Variants in HOMER2 observed in about 807,000 individuals in gnomAD.
The protein encoded by HOMER2 is homer scaffold protein 2.
In HOMER2, 27 loss-of-function variants were observed where a neutral mutation model predicts 47.0. The ratio of observed to expected loss-of-function variants is 0.57; its 90% CI spans 0.42 to 0.79. The LOEUF (loss-of-function observed/expected upper bound fraction) is 0.79, where lower values mean the gene tolerates loss of function less well. Ranked by LOEUF, HOMER2 falls within the 30% of genes least tolerant of loss-of-function variation. The pLI, the probability that HOMER2 is intolerant of heterozygous loss-of-function variation, is 0.00. For synonymous variants in HOMER2, 161 were observed against 163.8 expected, an observed-to-expected ratio of 0.98 and a Z score of 0.13; for missense variants, 443 against 435.0, an observed-to-expected ratio of 1.02 and a Z score of -0.16.
chr15:82,865,691 A>C (rs1249625632), intron 3 of HOMER2, among the ~76,000 whole-genome samples: 1 of 152,220 alleles, frequency 6.6e-6, no homozygotes, highest in Admixed American at 6.5e-5. Context: ...CAGTCTACAG[A>C]CTTGGTGACC....
intron 1 of HOMER2, among the ~76,000 whole-genome samples, chr15:82,922,542 G>A (rs1018240481): frequency 2.0e-5 from 3 of 152,194 alleles, no homozygotes; most frequent in African/African-American, 4.8e-5. Context: ...CTAGGTATAT[G>A]CTGGCTCGGA....
intron 1 of HOMER2, among the ~76,000 whole-genome samples, chr15:82,969,416 C>A (rs912842259): frequency 1.3e-5 from 2 of 152,182 alleles, no homozygotes; most frequent in African/African-American, 4.8e-5. Flanking sequence ...TTATAAAGGG[C>A]GGATGCGGGG....
chr15:82,921,616 G>A (rs2053731291), intron 1 of HOMER2, among the ~76,000 whole-genome samples: 1 of 152,168 alleles, frequency 6.6e-6, no homozygotes, highest in Non-Finnish European at 1.5e-5. Context: ...TGTGGCAGGA[G>A]TATCACCTAG....
downstream of HOMER2, chr15:82,835,319 G>A (rs1029817491): frequency 1.3e-5 from 2 of 152,224 alleles, no homozygotes; most frequent in Admixed American, 1.3e-4. Flanking sequence ...TAGAGATGGG[G>A]TTTCACCATG....
chr15:82,867,882 C>A (rs977512578), intron 3 of HOMER2, among the ~76,000 whole-genome samples: 1 of 152,022 alleles, frequency 6.6e-6, no homozygotes, highest in Non-Finnish European at 1.5e-5. Context: ...TGGAAACAAC[C>A]CAGTGGGCCC....
chr15:82,905,995 A>T (rs1443438527), intron 1 of HOMER2, among the ~76,000 whole-genome samples: 1 of 152,230 alleles, frequency 6.6e-6, no homozygotes, highest in Non-Finnish European at 1.5e-5. Flanking sequence ...ATATGCTTAT[A>T]TGTAAATGAA....
intron 1 of HOMER2, among the ~76,000 whole-genome samples, chr15:82,898,128 GAAC>G (rs1189804541): frequency 6.6e-6 from 1 of 152,138 alleles, no homozygotes; most frequent in African/African-American, 2.4e-5. Flanking sequence ...CAGGCAAACT[GAAC>G]AACAAATCTT....
chr15:82,959,170 G>A (rs1209878201), exon 2 of HOMER2: 5 of 152,410 alleles, frequency 3.3e-5, no homozygotes, highest in Non-Finnish European at 7.3e-5. Flanking sequence ...TGACTGCCCT[G>A]CCTTGGGGCA....
intron 1 of HOMER2, among the ~76,000 whole-genome samples, chr15:82,927,543 A>C (rs2053883690): frequency 6.6e-6 from 1 of 152,252 alleles, no homozygotes; most frequent in Non-Finnish European, 1.5e-5. Context: ...TTTATATTCC[A>C]TAATTGAGTA....
At chr15:82,840,275 C>G (rs1048243322) in exon 2 of HOMER2, 4 of 151,796 alleles carry the variant, frequency 2.6e-5, no homozygotes, top group Admixed American at 6.6e-5. Context: ...AATAGTAAAA[C>G]AGTAAAATTA....
intron 1 of HOMER2, among the ~76,000 whole-genome samples, chr15:82,899,877 C>T (rs886668457): frequency 2.0e-5 from 3 of 152,114 alleles, no homozygotes; most frequent in Middle Eastern, 6.3e-3. Context: ...TAAAAATTAG[C>T]TGGGTGTGGT....
At chr15:82,858,466 A>T (rs1447431093) in intron 5 of HOMER2, among the ~76,000 whole-genome samples, 1 of 151,882 alleles carries the variant, frequency 6.6e-6, no homozygotes, top group Non-Finnish European at 1.5e-5. Flanking sequence ...CTAGTTTTTA[A>T]AATATTTTTT....
chr15:82,939,653 G>A (rs955646675), intron 1 of HOMER2, among the ~76,000 whole-genome samples: 5 of 152,148 alleles, frequency 3.3e-5, no homozygotes, highest in Admixed American at 1.3e-4. Context: ...CTGGGTGAAA[G>A]AGCAAGACTC....
intron 1 of HOMER2, among the ~76,000 whole-genome samples, chr15:82,920,849 T>TTA (rs2053710727): frequency 6.6e-6 from 1 of 150,670 alleles, no homozygotes; most frequent in South Asian, 2.1e-4. Flanking sequence ...AAACAATCTT[T>TTA]TTTTTTTTTT....
At position 82,854,776 on chromosome 15, in the gene HOMER2, C is replaced by G; in HGVS notation, c.519G>C (p.Glu173Asp). 1 of 1,610,648 alleles carries G rather than the reference C, an allele frequency of 6.2e-7. No individual in the cohort carries two copies. Among genetic ancestry groups the G allele is most frequent in the Non-Finnish European group, 8.5e-7 (1 of 1,179,686 alleles). ...TQSAANVKKWEIELQTLRESN... is the reference protein window; with the variant it reads ...TQSAANVKKWDIELQTLRESN... Reference sequence around the variant, plus strand: ...TCTCCCGAAGGGTCTGCAGCTCGATCTCCCACTTCTTCACGTTGGCTGCGC... The same window carrying G: ...TCTCCCGAAGGGTCTGCAGCTCGATGTCCCACTTCTTCACGTTGGCTGCGC... The change falls in exon 6 of 9, where the codon GAG (glutamate) becomes GAC (aspartate). Residue 173 changes from glutamate to aspartate, a missense_variant. Physicochemically the swap from Glu to Asp is conservative, Grantham distance 45. Coordinates refer to ENST00000450735, the MANE Select transcript of HOMER2 (RefSeq NM_004839.4).
intron 1 of HOMER2, among the ~76,000 whole-genome samples, chr15:82,985,257 A>C (rs1235068405): frequency 1.3e-5 from 2 of 152,200 alleles, no homozygotes; most frequent in South Asian, 2.1e-4. Flanking sequence ...CTTGACCTTT[A>C]ATCTACAGGC....
chr15:82,853,054 A>T (rs2051449546), intron 6 of HOMER2, among the ~76,000 whole-genome samples: 1 of 152,262 alleles, frequency 6.6e-6, no homozygotes, highest in Admixed American at 6.5e-5. Flanking sequence ...AACAGGCAGC[A>T]GCAGTCCTTG....
chr15:82,949,298 A>C (rs2054453542), intron 1 of HOMER2, among the ~76,000 whole-genome samples: 1 of 152,212 alleles, frequency 6.6e-6, no homozygotes, highest in Non-Finnish European at 1.5e-5. Flanking sequence ...CAGGTGGGAC[A>C]GTATTACCTA....
At chr15:82,918,082 G>A (rs1034150772) in intron 1 of HOMER2, among the ~76,000 whole-genome samples, 3 of 152,088 alleles carry the variant, frequency 2.0e-5, no homozygotes, top group African/African-American at 7.2e-5. Context: ...GAGCTAACTA[G>A]GGACTAAAAG....
Sources: gnomAD v4.1 joint callset for allele counts (sites outside exome capture counted in the v4.1 genomes callset) on GRCh38, gnomAD v4.1.1 for gene constraint, MANE v1.5 for transcripts, NCBI Gene and HGNC (gene_info 2026-07-23, HGNC 2026-07-21) for gene names.